Variants in SLC25A21 observed in about 807,000 individuals in gnomAD.
The protein encoded by SLC25A21 is mitochondrial 2-oxodicarboxylate carrier.
In SLC25A21, 47 loss-of-function variants were observed where a neutral mutation model predicts 43.8. The ratio of observed to expected loss-of-function variants is 1.07; its 90% CI spans 0.85 to 1.37. SLC25A21 has a LOEUF of 1.37. Among genes scored for constraint, SLC25A21 ranks in the 40% most tolerant of loss-of-function variants. The pLI, the probability that SLC25A21 is intolerant of heterozygous loss-of-function variation, is 0.00. For missense variants in SLC25A21, 352 were observed against 350.2 expected (o/e 1.00, Z -0.04); for synonymous variants, 131 against 121.3 (o/e 1.08, Z -0.52).
rs924975046 is a variant in SLC25A21, at chr14:36,862,978, T to C, written c.119+11978A>G. Reference sequence around the variant, plus strand: ...ATGGGCATTGGCTAAATAAGTAGATTAATGAAATTGCTGGAAATTTGAAAG... The same window carrying C: ...ATGGGCATTGGCTAAATAAGTAGATCAATGAAATTGCTGGAAATTTGAAAG... On this transcript the variant is annotated intron_variant, in intron 2 of 9. Transcript: ENST00000331299. Among the ~76,000 whole-genome samples, 4 of 152,182 alleles carry C rather than the reference T, an allele frequency of 2.6e-5. No homozygotes were observed. The East Asian group carries it at 5.8e-4, about 22-fold the overall frequency.
intron 3 of SLC25A21, among the ~76,000 whole-genome samples, chr14:36,754,469 A>C: frequency 6.6e-6 from 1 of 152,208 alleles, no homozygotes; most frequent in East Asian, 1.9e-4. Flanking sequence ...GAAGGGAAAT[A>C]AGATTCGATG....
At chr14:36,783,993 T>TA in intron 3 of SLC25A21, among the ~76,000 whole-genome samples, 1 of 152,362 alleles carries the variant, frequency 6.6e-6, no homozygotes, top group Middle Eastern at 3.4e-3. Context: ...TTTTTTCAAC[T>TA]AATTAAAATA....
chr14:36,896,540 A>C (rs542402592), intron 1 of SLC25A21, among the ~76,000 whole-genome samples: 1 of 152,274 alleles, frequency 6.6e-6, no homozygotes, highest in African/African-American at 2.4e-5. Context: ...GCCCATTTAC[A>C]TTTAAGGTTA....
At chr14:36,997,478 T>C (rs988055240) in intron 1 of SLC25A21, among the ~76,000 whole-genome samples, 5 of 152,164 alleles carry the variant, frequency 3.3e-5, no homozygotes, top group Admixed American at 3.3e-4. Context: ...TTCAGAAATA[T>C]GCATGAGATG....
In SLC25A21 at chr14:37,043,061, C is replaced by T. The variant is rs141489609; in HGVS notation, c.70+129220G>A. On this transcript the variant is annotated intron_variant, in intron 1 of 9. Coordinates refer to ENST00000331299, the MANE Select transcript of SLC25A21 (RefSeq NM_030631.4). ...CAGCCACCAGTGGCCCAAGTCAGGA[C>T]CCCACTGGGGTCATTCTGAAATCCT... Among the ~76,000 whole-genome samples the T allele has an allele frequency of 3.3e-3, 509 of 152,278 alleles. 3 individuals are homozygous for T. Among genetic ancestry groups the T allele is most frequent in the Non-Finnish European group, 5.8e-3 (393 of 68,014 alleles).
intron 3 of SLC25A21, among the ~76,000 whole-genome samples, chr14:36,796,666 G>A (rs950854928): frequency 1.3e-5 from 2 of 151,882 alleles, no homozygotes; most frequent in Non-Finnish European, 2.9e-5. Context: ...TCTCAGTGGC[G>A]GCAAGATTCT....
intron 7 of SLC25A21, among the ~76,000 whole-genome samples, chr14:36,700,046 C>T (rs1463547867): frequency 1.3e-5 from 2 of 152,144 alleles, no homozygotes; most frequent in African/African-American, 2.4e-5. Flanking sequence ...AATGGGAGTG[C>T]AGACTGGAGC....
intron 3 of SLC25A21, among the ~76,000 whole-genome samples, chr14:36,736,414 A>G (rs78808545): frequency 0.017 from 2,646 of 152,310 alleles, 65 homozygotes; most frequent in African/African-American, 0.059. Flanking sequence ...AACTAATAAC[A>G]TTTAAATACT....
At chr14:36,805,788 A>G (rs1888017493) in intron 3 of SLC25A21, among the ~76,000 whole-genome samples, 1 of 152,220 alleles carries the variant, frequency 6.6e-6, no homozygotes, top group South Asian at 2.1e-4. Flanking sequence ...AAAAGAGATT[A>G]CATATACTTG....
chr14:37,162,915 G>T (rs1963970723), intron 1 of SLC25A21, among the ~76,000 whole-genome samples: 3 of 152,182 alleles, frequency 2.0e-5, no homozygotes, highest in Non-Finnish European at 4.4e-5. Flanking sequence ...TGATAGACTG[G>T]ATTAAGAAAA....
intron 7 of SLC25A21, among the ~76,000 whole-genome samples, chr14:36,700,420 T>C (rs1178312223): frequency 2.0e-5 from 3 of 152,196 alleles, no homozygotes; most frequent in Non-Finnish European, 4.4e-5. Flanking sequence ...TGTGATGCAC[T>C]ATAGTAGGAC....
At chr14:37,009,884 T>C (rs1960692640) in intron 1 of SLC25A21, among the ~76,000 whole-genome samples, 2 of 152,120 alleles carry the variant, frequency 1.3e-5, no homozygotes, top group African/African-American at 4.8e-5. Context: ...ACACATTGCT[T>C]TGCAAGCTTT....
intron 2 of SLC25A21, among the ~76,000 whole-genome samples, chr14:36,867,478 C>T (rs993435198): frequency 2.6e-5 from 4 of 152,088 alleles, no homozygotes; most frequent in Non-Finnish European, 5.9e-5. Context: ...TGGAGGATAC[C>T]GAATAATGTC....
chr14:36,723,115 C>T (rs377403307), intron 6 of SLC25A21, among the ~76,000 whole-genome samples: 5 of 152,294 alleles, frequency 3.3e-5, no homozygotes, highest in East Asian at 3.9e-4. Context: ...AAGAAGGCTT[C>T]GGCATTATTG....
At chr14:36,935,399 T>C (rs550379894) in intron 1 of SLC25A21, among the ~76,000 whole-genome samples, 12 of 152,274 alleles carry the variant, frequency 7.9e-5, no homozygotes, top group Non-Finnish European at 4.4e-5. Context: ...GGCAACTCTT[T>C]GAAGGAATTC....
intron 3 of SLC25A21, among the ~76,000 whole-genome samples, chr14:36,742,885 G>T (rs187876793): frequency 6.7e-6 from 1 of 149,576 alleles, no homozygotes; most frequent in South Asian, 2.1e-4. Flanking sequence ...TTCATTATAC[G>T]CTGTATGGAG....
In SLC25A21 at chr14:37,169,793, T is replaced by C. The variant is rs1964091526; in HGVS notation, c.70+2488A>G. Reference sequence around the variant, plus strand: ...CAATAAAGATAAAGTTTTATGAAAATGTTTTTGGCCAAGTAAAAGAAAATA... The same window carrying C: ...CAATAAAGATAAAGTTTTATGAAAACGTTTTTGGCCAAGTAAAAGAAAATA... On this transcript the variant is annotated intron_variant, in intron 1 of 9. Coordinates refer to ENST00000331299, the MANE Select transcript of SLC25A21 (RefSeq NM_030631.4). Among the ~76,000 whole-genome samples the C allele has an allele frequency of 2.6e-5, 4 of 152,236 alleles. No homozygotes were observed. The South Asian group carries it at 8.3e-4, about 32-fold the overall frequency.
chr14:37,021,176 T>C (rs983970503), intron 1 of SLC25A21, among the ~76,000 whole-genome samples: 1 of 151,978 alleles, frequency 6.6e-6, no homozygotes, highest in Non-Finnish European at 1.5e-5. Context: ...TGATGATGAC[T>C]GCTGGATGCA....
intron 3 of SLC25A21, among the ~76,000 whole-genome samples, chr14:36,790,148 G>C (rs1887432170): frequency 6.6e-6 from 1 of 150,522 alleles, no homozygotes; most frequent in South Asian, 2.1e-4. Context: ...TTCTTGTTAA[G>C]GTTAAGTGTC....
Sources: allele counts gnomAD v4.1 joint callset (sites outside exome capture counted in the v4.1 genomes callset), GRCh38; gene constraint gnomAD v4.1.1; transcripts MANE v1.5; gene names NCBI Gene and HGNC (gene_info 2026-07-23, HGNC 2026-07-21).